The following MED27 variants were observed in gnomAD, a reference collection of about 807,000 sequenced individuals.
The protein encoded by MED27 is mediator of RNA polymerase II transcription subunit 27.
A neutral mutation model predicts 38.2 loss-of-function variants in MED27; 30 were observed. The ratio of observed to expected loss-of-function variants is 0.79; its 90% confidence interval spans 0.59 to 1.07. The LOEUF (loss-of-function observed/expected upper bound fraction) is 1.07, where lower values mean the gene tolerates loss of function less well. Among genes scored for constraint, MED27 ranks in the 50% least tolerant of loss-of-function variants. MED27 has a pLI of 0.00. For synonymous variants in MED27, 122 were observed against 153.5 expected, an observed-to-expected ratio of 0.79 and a Z score of 1.52; for missense variants, 289 against 397.5, an observed-to-expected ratio of 0.73 and a Z score of 2.32.
At chr9:132,048,304 A>G (rs1045482870) in intron 2 of MED27, among the ~76,000 whole-genome samples, 2 of 152,246 alleles carry the variant, frequency 1.3e-5, no homozygotes, top group African/African-American at 4.8e-5. Context: ...TGAATGCAGG[A>G]ATCTCAATTA....
intron 3 of MED27, among the ~76,000 whole-genome samples, chr9:132,008,972 C>G (rs1274003624): frequency 6.6e-6 from 1 of 152,210 alleles, no homozygotes; most frequent in Non-Finnish European, 1.5e-5. Context: ...CAGCCAGCAG[C>G]AGATAAATCT....
chr9:132,066,777 G>T (rs1427743021), intron 2 of MED27, among the ~76,000 whole-genome samples: 1 of 152,244 alleles, frequency 6.6e-6, no homozygotes, highest in Admixed American at 6.5e-5. Flanking sequence ...CAGGCCAGAA[G>T]TCCTGAGCCA....
chr9:132,061,419 T>C (rs1418634546), intron 2 of MED27, among the ~76,000 whole-genome samples: 1 of 152,246 alleles, frequency 6.6e-6, no homozygotes, highest in Non-Finnish European at 1.5e-5. Context: ...CTTTTTATAC[T>C]GACACTGCTA....
intron 6 of MED27, among the ~76,000 whole-genome samples, chr9:131,881,967 G>A (rs952778052): frequency 6.6e-6 from 1 of 151,922 alleles, no homozygotes; most frequent in Admixed American, 6.6e-5. Flanking sequence ...TGTTGGCCAG[G>A]CTGGTCTCGA....
rs145786655 is a variant in MED27 at position 132,018,154 on chromosome 9, A to T, written c.349-3687T>A. 5.7e-4 allele frequency among the ~76,000 whole-genome samples: 87 copies of T among 152,288 alleles called. 2 individuals are homozygous for T. In the East Asian group the frequency reaches 0.014, roughly 24 times the overall value. The stretch of plus-strand genomic sequence containing the variant: ...GAGGACCCCCAAACTCTAAAATTCA[A>T]TTCCTTTGTATTTCTAAAGGTAGAA... On this transcript the variant is annotated intron_variant, in intron 2 of 7. Transcript: ENST00000292035.
At chr9:132,014,272 A>C in intron 3 of MED27, 65 bp downstream of exon 3, 1 of 1,502,060 alleles carries the variant, frequency 6.7e-7, no homozygotes, top group Non-Finnish European at 9.0e-7. Flanking sequence ...TCCACTACCC[A>C]AAAACAAGTA....
intron 6 of MED27, among the ~76,000 whole-genome samples, chr9:131,878,825 G>A (rs1271253993): frequency 8.6e-6 from 1 of 116,674 alleles, no homozygotes; most frequent in Admixed American, 9.5e-5. Flanking sequence ...ATGGTCACCC[G>A]CCCCCACCCC....
rs552857910 is a variant in MED27, at chr9:131,862,410, C to T, written c.801+653G>A. On this transcript the variant is annotated intron_variant, in intron 7 of 7. Transcript: ENST00000292035. The surrounding 1 kb of genome is among the most constrained non-coding windows in gnomAD (Gnocchi z 4.6). ...AGCTGGCGGCTACGTCTGTCAAGGACGCGGGGACATGGTGTTAGCCCTGCT... is the reference window on the plus strand; with the variant it reads ...AGCTGGCGGCTACGTCTGTCAAGGATGCGGGGACATGGTGTTAGCCCTGCT... 5.3e-5 allele frequency among the ~76,000 whole-genome samples: 8 copies of T among 152,148 alleles called. No individual in the cohort carries two copies. Among genetic ancestry groups the T allele is most frequent in the Admixed American group, 2.6e-4 (4 of 15,274 alleles).
rs563521977 is a variant in MED27, at chr9:132,018,892, G to T, written c.349-4425C>A. Among the ~76,000 whole-genome samples, 17 of 145,248 alleles carry T rather than the reference G, an allele frequency of 1.2e-4. No individual in the cohort carries two copies. The East Asian group carries it at 1.2e-3, about 10-fold the overall frequency. On this transcript the variant is annotated intron_variant, in intron 2 of 7. Transcript: ENST00000292035. The stretch of plus-strand genomic sequence containing the variant: ...AGGGGAAAAAAGAGCTCTCCTGGAC[G>T]TAAGTTATGATTCACTTTATTTTTT...
At chr9:132,014,235 AG>A in intron 3 of MED27, 101 bp downstream of exon 3, 1 of 1,278,708 alleles carries the variant, frequency 7.8e-7, no homozygotes, top group Non-Finnish European at 1.1e-6. Context: ...GAAGGGAGGG[AG>A]GGAATTTTGA....
chr9:131,972,108 T>C (rs1831492257), intron 3 of MED27, among the ~76,000 whole-genome samples: 1 of 152,244 alleles, frequency 6.6e-6, no homozygotes, highest in Admixed American at 6.5e-5. Flanking sequence ...ATCGGATTTG[T>C]TGTGATTAGA....
At chr9:131,869,813 T>TG (rs1335472403) in intron 6 of MED27, among the ~76,000 whole-genome samples, 5 of 152,168 alleles carry the variant, frequency 3.3e-5, no homozygotes, top group Non-Finnish European at 5.9e-5. Context: ...ATGCCTCATT[T>TG]GGGGTGTGTC....
intron 3 of MED27, among the ~76,000 whole-genome samples, chr9:131,956,733 T>C (rs1218515583): frequency 6.6e-6 from 1 of 152,022 alleles, no homozygotes; most frequent in Non-Finnish European, 1.5e-5. Context: ...CCATGCCATG[T>C]AACTTACCAT....
At chr9:132,034,593 G>A (rs1207706888) in intron 2 of MED27, among the ~76,000 whole-genome samples, 1 of 152,212 alleles carries the variant, frequency 6.6e-6, no homozygotes, top group East Asian at 1.9e-4. Context: ...ATCAAGAATG[G>A]AACCTCAGCG....
intron 3 of MED27, among the ~76,000 whole-genome samples, chr9:131,991,395 C>T (rs1831969542): frequency 6.6e-6 from 1 of 152,152 alleles, no homozygotes. Flanking sequence ...TATTTTTCAT[C>T]CCACTATTAG....
rs558010444 is a variant in MED27, at chr9:131,917,039, G to C, written c.573+22342C>G. On this transcript the variant is annotated intron_variant, in intron 4 of 7. Coordinates refer to ENST00000292035, the MANE Select transcript of MED27 (RefSeq NM_004269.4). This position sits in a 1 kb window ranked among gnomAD's most constrained non-coding sequence, Gnocchi z 4.6. ...GCAGCAGGTGGAGAAGGGTGCCATA[G>C]GCAGAAATGCAGGTACAAAGCATAA... Among the ~76,000 whole-genome samples the C allele has an allele frequency of 1.8e-4, 27 of 152,300 alleles. No individual in the cohort carries two copies. Among genetic ancestry groups the C allele is most frequent in the Middle Eastern group, 3.4e-3 (1 of 294 alleles).
intron 3 of MED27, among the ~76,000 whole-genome samples, chr9:131,968,534 T>C (rs1432375753): frequency 1.3e-5 from 2 of 151,904 alleles, no homozygotes; most frequent in Non-Finnish European, 2.9e-5. Flanking sequence ...ACCCTCTTCT[T>C]TTACTGACAG....
At chr9:132,078,408 C>A (rs1834102929) in intron 1 of MED27, among the ~76,000 whole-genome samples, 1 of 152,032 alleles carries the variant, frequency 6.6e-6, no homozygotes, top group Admixed American at 6.5e-5. Context: ...CTGAACATTA[C>A]AAAGGGAAGT....
At chr9:132,014,159 G>A (rs1168377922) in intron 3 of MED27, among the ~76,000 whole-genome samples, 178 bp downstream of exon 3, 1 of 152,158 alleles carries the variant, frequency 6.6e-6, no homozygotes, top group Non-Finnish European at 1.5e-5. Flanking sequence ...AGAGGTTGCA[G>A]TGAGCCGAGA....
Sources: gnomAD v4.1 joint callset for allele counts (sites outside exome capture counted in the v4.1 genomes callset) on GRCh38, gnomAD v4.1.1 for gene constraint, Gnocchi (gnomAD v3.1) non-coding constraint, MANE v1.5 for transcripts, NCBI Gene and HGNC (gene_info 2026-07-23, HGNC 2026-07-21) for gene names.